NR5A2: variants seen among roughly 807,000 people sequenced by gnomAD.
The protein encoded by NR5A2 is CYP7A promoter-binding factor.
In NR5A2, 26 loss-of-function variants were observed where a neutral mutation model predicts 62.7. The observed-to-expected ratio is 0.41, with a 90% CI of 0.30 to 0.58. The LOEUF (loss-of-function observed/expected upper bound fraction) is 0.58, where lower values mean the gene tolerates loss of function less well. Among genes scored for constraint, NR5A2 ranks in the 20% least tolerant of loss-of-function variants. NR5A2 has a pLI of 0.22. For missense variants in NR5A2, 541 were observed against 669.1 expected, an observed-to-expected ratio of 0.81 and a Z score of 2.11; for synonymous variants, 246 against 241.7, an observed-to-expected ratio of 1.02 and a Z score of -0.16.
At position 200,120,950 on chromosome 1, in the gene NR5A2, G is replaced by A; in HGVS notation, c.1373G>A (p.Ser458Asn). 6.2e-7 allele frequency: 1 copy of A among 1,613,802 alleles called. No individual in the cohort carries two copies. Among genetic ancestry groups the A allele is most frequent in the Non-Finnish European group, 8.5e-7 (1 of 1,179,872 alleles). ...TGTCTGAAATTCTTGGTGCTCTTTA[G>A]TTTAGGTAAGAAATCCTTTTCTCAT... Reference protein sequence around the residue: ...FVCLKFLVLFSLDVKNLENFQ... With the variant: ...FVCLKFLVLFNLDVKNLENFQ... Residue 458 changes from serine to asparagine, a missense_variant, in exon 7 of 8, where the codon AGT becomes AAT. Coordinates refer to ENST00000367362, the MANE Select transcript of NR5A2 (RefSeq NM_205860.3).
chr1:200,168,597 C>T (rs1422867659), intron 7 of NR5A2, among the ~76,000 whole-genome samples: 1 of 151,948 alleles, frequency 6.6e-6, no homozygotes, highest in Non-Finnish European at 1.5e-5. Context: ...TGTGTACACA[C>T]CTATATTATT....
chr1:200,034,390 A>T (rs1376623811), intron 1 of NR5A2, among the ~76,000 whole-genome samples: 2 of 152,070 alleles, frequency 1.3e-5, no homozygotes, highest in Non-Finnish European at 1.5e-5. Flanking sequence ...TTAAGACCGG[A>T]TCTCCCTGTT....
Position 200,119,156 on chromosome 1 carries a change from C to A in NR5A2, c.1231-1652C>A, listed in dbSNP as rs1666372015. Among the ~76,000 whole-genome samples, 3 of 152,136 alleles carry A rather than the reference C, an allele frequency of 2.0e-5. No individual in the cohort carries two copies. The South Asian group carries it at 6.2e-4, about 31-fold the overall frequency. ...CACTCTTGAAAAAGGTTTCTGTACA[C>A]CCAGTATTCTCTAGTTAAAGCTGAA... is the stretch of plus-strand genomic sequence containing the variant. On this transcript the variant is annotated intron_variant, in intron 6 of 7. Coordinates refer to ENST00000367362, the MANE Select transcript of NR5A2 (RefSeq NM_205860.3).
chr1:200,091,440 C>A (rs34615585), intron 5 of NR5A2, among the ~76,000 whole-genome samples: 5 of 151,704 alleles, frequency 3.3e-5, no homozygotes, highest in Non-Finnish European at 7.4e-5. Flanking sequence ...TGTTTCTGTA[C>A]CAGACCTGTC....
chr1:200,167,167 T>C (rs2102389655), intron 7 of NR5A2, among the ~76,000 whole-genome samples: 1 of 152,266 alleles, frequency 6.6e-6, no homozygotes, highest in East Asian at 1.9e-4. Context: ...TCTCTTGAGG[T>C]CTAGACCTTT....
At chr1:200,127,344 G>A (rs941030381) in intron 7 of NR5A2, among the ~76,000 whole-genome samples, 7 of 151,990 alleles carry the variant, frequency 4.6e-5, no homozygotes, top group African/African-American at 1.7e-4. Context: ...TCAGCCCTCT[G>A]TAGCTGCAGG....
chr1:200,145,468 T>TGTG, intron 7 of NR5A2, among the ~76,000 whole-genome samples: 1 of 142,114 alleles, frequency 7.0e-6, no homozygotes, highest in Non-Finnish European at 1.5e-5. Flanking sequence ...TTGATAGAAT[T>TGTG]TGTGTGTGTG....
intron 7 of NR5A2, among the ~76,000 whole-genome samples, chr1:200,134,265 G>C (rs1667117950): frequency 6.6e-6 from 1 of 152,166 alleles, no homozygotes; most frequent in Non-Finnish European, 1.5e-5. Context: ...TAGTCTACAG[G>C]AATGTCCTGT....
chr1:200,169,710 C>T (rs949899971), intron 7 of NR5A2, among the ~76,000 whole-genome samples: 1 of 152,170 alleles, frequency 6.6e-6, no homozygotes, highest in Non-Finnish European at 1.5e-5. Flanking sequence ...AAGAGAAGCA[C>T]AAAATGCTCT....
At chr1:200,038,663 C>T in intron 1 of NR5A2, 2 of 1,337,408 alleles carry the variant, frequency 1.5e-6, no homozygotes, top group Non-Finnish European at 2.0e-6. Flanking sequence ...GGCACACGCC[C>T]ACCCGCGCCC....
At position 200,039,906 on chromosome 1, in the gene NR5A2, C is replaced by A; in HGVS notation, c.202+111C>A. The A allele has an allele frequency of 4.8e-6, 6 of 1,240,256 alleles. No homozygotes were observed. In the South Asian group the frequency reaches 4.9e-5, roughly 10 times the overall value. 76.8% of individuals were successfully genotyped at this position (1,240,256 alleles called of 1,614,324 possible). On this transcript the variant is annotated intron_variant, in intron 2 of 7. Coordinates refer to ENST00000367362, the MANE Select transcript of NR5A2 (RefSeq NM_205860.3). The surrounding 1 kb of genome is among the most constrained non-coding windows in gnomAD (Gnocchi z 5.1). ...CGGGCGCGGGAGTAGCCCCGCTGGG[C>A]GCTCGCAGCCGCGGGAGTCAAGCCC...
intron 5 of NR5A2, among the ~76,000 whole-genome samples, chr1:200,068,352 A>G (rs1449074085): frequency 2.0e-5 from 3 of 152,226 alleles, no homozygotes; most frequent in African/African-American, 4.8e-5. Context: ...GCTAATAGCA[A>G]TGAGTGTTTC....
In NR5A2 at chr1:200,048,477, G is replaced by C; in HGVS notation, c.769G>C (p.Gly257Arg). The C allele has an allele frequency of 6.2e-7, 1 of 1,614,170 alleles. No homozygotes were observed. Among genetic ancestry groups the C allele is most frequent in the East Asian group, 2.2e-5 (1 of 44,882 alleles). ...AATGCCCCCTCACGGCAGCCTGCAA[G>C]GTTACCAAACATATGGCCACTTTCC... ...MTMPPHGSLQ[G>R]YQTYGHFPSR... The change falls in exon 5 of 8, where the codon GGT becomes CGT. Residue 257 changes from glycine to arginine, a missense_variant. Gly to Arg is a moderately radical substitution (Grantham distance 125). This residue lies in a region of NR5A2 where 379 missense variants were observed against 442.0 expected (regional missense o/e 0.86). Coordinates refer to ENST00000367362, the MANE Select transcript of NR5A2 (RefSeq NM_205860.3). The surrounding 1 kb of genome is among the most constrained non-coding windows in gnomAD (Gnocchi z 4.8).
intron 5 of NR5A2, among the ~76,000 whole-genome samples, chr1:200,101,516 G>A (rs1665367815): frequency 6.6e-6 from 1 of 152,152 alleles, no homozygotes; most frequent in South Asian, 2.1e-4. Context: ...ATCATGTTGA[G>A]CACAACTCTT....
chr1:200,165,400 G>A (rs1042874573), intron 7 of NR5A2, among the ~76,000 whole-genome samples: 10 of 152,140 alleles, frequency 6.6e-5, no homozygotes, highest in African/African-American at 2.2e-4. Context: ...CGCTGTTGAT[G>A]TTGTACATTC....
rs144610934 is a variant in NR5A2, at chr1:200,056,386, C to T, written c.1110+7568C>T. On this transcript the variant is annotated intron_variant, in intron 5 of 7. Transcript: ENST00000367362. ...AACTCCCATGCATTAGTTACTTCTACTAAGGTAAAATTTACTCTCCCTAAA... is the reference window on the plus strand; with the variant it reads ...AACTCCCATGCATTAGTTACTTCTATTAAGGTAAAATTTACTCTCCCTAAA... Among the ~76,000 whole-genome samples the T allele has an allele frequency of 2.5e-3, 383 of 152,218 alleles. 4 individuals carry two copies. The highest frequency in any genetic ancestry group is 8.9e-3 in the African/African-American group (369 of 41,522).
rs1372430751 is a variant in NR5A2 at position 200,147,821 on chromosome 1, C to A, written c.1379-26142C>A. The A allele has an allele frequency of 2.1e-6, 1 of 481,316 alleles. No individual in the cohort carries two copies. The highest frequency in any genetic ancestry group is 3.9e-6 in the Non-Finnish European group (1 of 255,834). The allele number at this position is 481,316 out of a possible 1,614,324, so 29.8% of individuals were successfully genotyped here. ...GCCGCCGTGGCGTCCAGCACCAGGTCCTGGCTGCAGCCATTGGTGAGCAGT... is the reference window on the plus strand; with the variant it reads ...GCCGCCGTGGCGTCCAGCACCAGGTACTGGCTGCAGCCATTGGTGAGCAGT... On this transcript the variant is annotated intron_variant, in intron 7 of 7. Coordinates refer to ENST00000367362, the MANE Select transcript of NR5A2 (RefSeq NM_205860.3). This position sits in a 1 kb window ranked among gnomAD's most constrained non-coding sequence, Gnocchi z 4.9.
intron 6 of NR5A2, among the ~76,000 whole-genome samples, chr1:200,118,020 T>TTTTC (rs67574505): frequency 4.0e-4 from 6 of 15,104 alleles, no homozygotes; most frequent in African/African-American, 9.1e-4. Flanking sequence ...CGCCTTTTTC[T>TTTTC]TTTTTTTTTT....
chr1:200,137,839 A>G (rs760420437), intron 7 of NR5A2, among the ~76,000 whole-genome samples: 13 of 152,180 alleles, frequency 8.5e-5, no homozygotes, highest in Non-Finnish European at 1.6e-4. Context: ...TATGGGACAA[A>G]TTGGATAACC....
Sources: allele counts gnomAD v4.1 joint callset (sites outside exome capture counted in the v4.1 genomes callset), GRCh38; gene constraint gnomAD v4.1.1; regional missense constraint gnomAD v4.1.1; non-coding constraint Gnocchi (gnomAD v3.1); transcripts MANE v1.5; gene names NCBI Gene and HGNC (gene_info 2026-07-23, HGNC 2026-07-21).